PRIM2: variants seen among roughly 807,000 people sequenced by gnomAD.
PRIM2 encodes the protein DNA primase subunit 2.
A neutral mutation model predicts 67.3 loss-of-function variants in PRIM2; 39 were observed. The ratio of observed to expected loss-of-function variants is 0.58; its 90% confidence interval spans 0.45 to 0.76. PRIM2 has a LOEUF of 0.76. Among genes scored for constraint, PRIM2 ranks in the 30% least tolerant of loss-of-function variants. The pLI, the probability that PRIM2 is intolerant of heterozygous loss-of-function variation, is 0.00. For synonymous variants in PRIM2, 143 were observed against 198.7 expected (o/e 0.72, Z 2.36); for missense variants, 398 against 598.7 (o/e 0.66, Z 3.50).
At chr6:57,536,793 C>T (rs1581976213) in intron 9 of PRIM2, among the ~76,000 whole-genome samples, 1 of 152,054 alleles carries the variant, frequency 6.6e-6, no homozygotes, top group Non-Finnish European at 1.5e-5. Context: ...GATGGAGAAC[C>T]AGATCAGTGG....
chr6:57,437,780 C>T (rs376516433), intron 7 of PRIM2, among the ~76,000 whole-genome samples: 1 of 151,134 alleles, frequency 6.6e-6, no homozygotes. Flanking sequence ...TTCCTCCTAC[C>T]TAGCCTCTCG....
At chr6:57,437,207 A>G (rs1247410141) in intron 7 of PRIM2, among the ~76,000 whole-genome samples, 1 of 152,230 alleles carries the variant, frequency 6.6e-6, no homozygotes, top group Non-Finnish European at 1.5e-5. Context: ...TTACAAGAGC[A>G]GCGCCAAGGG....
At chr6:57,288,964 G>C in the PRIM2 span, among the ~76,000 whole-genome samples, 1 of 152,178 alleles carries the variant, frequency 6.6e-6, no homozygotes, top group East Asian at 1.9e-4. Context: ...TTGATGAGTT[G>C]ACAGAAGTAG....
At chr6:57,578,746 G>A (rs1229272251) in intron 10 of PRIM2, among the ~76,000 whole-genome samples, 2 of 146,578 alleles carry the variant, frequency 1.4e-5, no homozygotes, top group Non-Finnish European at 3.0e-5. Context: ...GCGCGATCTC[G>A]GCTCACTGCA....
At chr6:57,301,582 A>G in the PRIM2 span, among the ~76,000 whole-genome samples, 1 of 152,210 alleles carries the variant, frequency 6.6e-6, no homozygotes, top group African/African-American at 2.4e-5. Context: ...CAGGCGGATC[A>G]CTTGAGGTCA....
intron 7 of PRIM2, among the ~76,000 whole-genome samples, chr6:57,413,658 T>C (rs1370036113): frequency 2.0e-5 from 3 of 152,168 alleles, no homozygotes; most frequent in Non-Finnish European, 4.4e-5. Context: ...GGAGGGGCTG[T>C]AGCAAATTCT....
At chr6:57,349,137 A>T (rs562536319) in intron 5 of PRIM2, among the ~76,000 whole-genome samples, 1 of 152,180 alleles carries the variant, frequency 6.6e-6, no homozygotes, top group South Asian at 2.1e-4. Context: ...CTACAACTAA[A>T]CACTGTTCTA....
At chr6:57,509,386 C>T (rs1304919372) in intron 8 of PRIM2, among the ~76,000 whole-genome samples, 7 of 152,168 alleles carry the variant, frequency 4.6e-5, no homozygotes, top group African/African-American at 7.2e-5. Flanking sequence ...GCTTAATGCC[C>T]ACCTGCCGCA....
At chr6:57,310,695 C>T (rs550794784), upstream of PRIM2, among the ~76,000 whole-genome samples, 211 of 150,236 alleles carry the variant, frequency 1.4e-3, no homozygotes, top group Non-Finnish European at 2.6e-3. Flanking sequence ...AGAGACACCC[C>T]TCACCTCCCA....
chr6:57,287,448 T>C, the PRIM2 span, among the ~76,000 whole-genome samples: 2 of 152,320 alleles, frequency 1.3e-5, no homozygotes, highest in East Asian at 3.9e-4. Context: ...AATGAGTTCA[T>C]GTCCTTTGCA....
chr6:57,514,301 T>A (rs1303258628), intron 8 of PRIM2, among the ~76,000 whole-genome samples: 3 of 152,226 alleles, frequency 2.0e-5, no homozygotes, highest in African/African-American at 7.2e-5. Context: ...ATCATTGTTT[T>A]CTTTTTGAAT....
chr6:57,318,559 T>G lies in PRIM2; in HGVS notation c.114T>G (p.Ser38=), dbSNP rs1440119247. Residue 38 remains serine, a synonymous_variant, in exon 2 of 14, where the codon TCT becomes TCG. Coordinates refer to ENST00000615550, the MANE Select transcript of PRIM2 (RefSeq NM_000947.5). ...TGCAGCCACCTTCTGAAAACATATC[T>G]TTAATAGAATTTGAAAACTTGGCTA... The part of the protein sequence containing the change: ...FYLQPPSENI[S]LIEFENLAID... 8.2e-6 allele frequency: 13 copies of G among 1,581,620 alleles called. No homozygotes were observed. Among genetic ancestry groups the G allele is most frequent in the Non-Finnish European group, 1.0e-5 (12 of 1,162,284 alleles).
At chr6:57,330,909 G>A (rs1042514618) in intron 5 of PRIM2, among the ~76,000 whole-genome samples, 27 of 152,150 alleles carry the variant, frequency 1.8e-4, no homozygotes, top group East Asian at 3.9e-4. Flanking sequence ...TGGGCCGGGC[G>A]CGGTGGCTCA....
At chr6:57,238,223 T>C in the PRIM2 span, among the ~76,000 whole-genome samples, 1 of 152,326 alleles carries the variant, frequency 6.6e-6, no homozygotes, top group South Asian at 2.1e-4. Flanking sequence ...CTAATAGACA[T>C]CTACAGAACT....
At chr6:57,597,929 A>G (rs1439308962) in intron 10 of PRIM2, among the ~76,000 whole-genome samples, 1 of 152,198 alleles carries the variant, frequency 6.6e-6, no homozygotes, top group Non-Finnish European at 1.5e-5. Context: ...TTCTATCTAC[A>G]TGATACTTTA....
intron 7 of PRIM2, among the ~76,000 whole-genome samples, chr6:57,389,683 C>T (rs2397262): frequency 1.3e-5 from 2 of 151,996 alleles, no homozygotes; most frequent in East Asian, 1.9e-4. Context: ...ATTATTTGTT[C>T]GTTTGGAAAA....
chr6:57,627,279 C>CATAAAAAAAA (rs1776965139), intron 12 of PRIM2, among the ~76,000 whole-genome samples: 1 of 24,538 alleles, frequency 4.1e-5, no homozygotes, highest in Non-Finnish European at 7.9e-5. Context: ...GACTCTGTCT[C>CATAAAAAAAA]AAAAAAAAAA....
intron 5 of PRIM2, among the ~76,000 whole-genome samples, chr6:57,352,425 G>C (rs1581819252): frequency 2.0e-5 from 3 of 152,042 alleles, no homozygotes. Context: ...ATTTTTAGTA[G>C]AGATGGGGTT....
intron 7 of PRIM2, among the ~76,000 whole-genome samples, chr6:57,397,709 C>T (rs1387575484): frequency 3.3e-5 from 5 of 151,708 alleles, no homozygotes; most frequent in African/African-American, 4.8e-5. Flanking sequence ...TGCTGGTGAA[C>T]TAGTTTGCAA....
Sources: allele counts gnomAD v4.1 joint callset (sites outside exome capture counted in the v4.1 genomes callset), GRCh38; gene constraint gnomAD v4.1.1; transcripts MANE v1.5; gene names NCBI Gene and HGNC (gene_info 2026-07-23, HGNC 2026-07-21).